Variants in PAM observed in about 807,000 individuals in gnomAD.
PAM encodes the protein peptidylglycine alpha-amidating monooxygenase.
A neutral mutation model predicts 122.1 loss-of-function variants in PAM; 72 were observed. The observed-to-expected ratio is 0.59, with a 90% CI of 0.49 to 0.72. The LOEUF (loss-of-function observed/expected upper bound fraction) is 0.72, where lower values mean the gene tolerates loss of function less well. PAM is among the 30% of genes least tolerant of loss of function. The pLI, the probability that PAM is intolerant of heterozygous loss-of-function variation, is 0.00. For synonymous variants in PAM, 389 were observed against 404.4 expected, an observed-to-expected ratio of 0.96 and a Z score of 0.46; for missense variants, 1,106 against 1,183.7, an observed-to-expected ratio of 0.93 and a Z score of 0.96.
chr5:102,800,881 C>A (rs1029979636), intron 1 of PAM, among the ~76,000 whole-genome samples: 2 of 152,100 alleles, frequency 1.3e-5, no homozygotes, highest in African/African-American at 4.8e-5. Context: ...TGCATGAAAT[C>A]CCCTACTGCT....
intron 3 of PAM, among the ~76,000 whole-genome samples, chr5:102,881,433 A>G (rs2151132711): frequency 6.6e-6 from 1 of 152,182 alleles, no homozygotes; most frequent in East Asian, 1.9e-4. Flanking sequence ...CAGAGCTTTT[A>G]AGGATGGGAA....
At chr5:102,915,208 CATA>C (rs1212548545) in intron 5 of PAM, among the ~76,000 whole-genome samples, 1 of 152,108 alleles carries the variant, frequency 6.6e-6, no homozygotes, top group Admixed American at 6.6e-5. Flanking sequence ...CCTGTCCTTA[CATA>C]ATCATGTAGA....
In PAM at chr5:102,879,313, C is replaced by A. The variant is rs558516121; in HGVS notation, c.210+11920C>A. Among the ~76,000 whole-genome samples, 20 of 152,278 alleles carry A rather than the reference C, an allele frequency of 1.3e-4. 1 individual carries two copies. The South Asian group carries it at 2.3e-3, about 17-fold the overall frequency. ...CAGTAGTGTACAGTAATGTCCTAGGCCTTCACATTCACTCACCTACACACC... is the reference window on the plus strand; with the variant it reads ...CAGTAGTGTACAGTAATGTCCTAGGACTTCACATTCACTCACCTACACACC... On this transcript the variant is annotated intron_variant, in intron 3 of 25. Coordinates refer to ENST00000438793, the MANE Select transcript of PAM (RefSeq NM_001177306.2).
chr5:102,808,159 C>G (rs1389642175), intron 1 of PAM: 2 of 152,178 alleles, frequency 1.3e-5, no homozygotes, highest in Non-Finnish European at 2.9e-5. Flanking sequence ...GGGGATGATT[C>G]ACCCCACAAT....
At chr5:102,979,334 A>G (rs903074606) in intron 15 of PAM, among the ~76,000 whole-genome samples, 4 of 152,168 alleles carry the variant, frequency 2.6e-5, no homozygotes, top group African/African-American at 9.6e-5. Flanking sequence ...TAAATGAAGC[A>G]TTATAATTAA....
chr5:102,766,925 G>GCTTTTTTTTT (rs1561386850), intron 1 of PAM, among the ~76,000 whole-genome samples: 1 of 36,574 alleles, frequency 2.7e-5, no homozygotes, highest in African/African-American at 1.3e-4. Flanking sequence ...TTCAGTTGTG[G>GCTTTTTTTTT]ATTTTTTTTT....
intron 7 of PAM, among the ~76,000 whole-genome samples, chr5:102,944,343 G>A (rs1756279722): frequency 6.6e-6 from 1 of 152,040 alleles, no homozygotes; most frequent in Non-Finnish European, 1.5e-5. Flanking sequence ...CAGGACATTA[G>A]TAGCTAAAGG....
At chr5:102,819,693 G>GT in intron 1 of PAM, among the ~76,000 whole-genome samples, 1 of 152,088 alleles carries the variant, frequency 6.6e-6, no homozygotes, top group African/African-American at 2.4e-5. Flanking sequence ...TCATATTTTT[G>GT]TTTTTTGGCC....
intron 18 of PAM, among the ~76,000 whole-genome samples, chr5:103,005,699 T>G (rs1354168229): frequency 6.6e-6 from 1 of 152,184 alleles, no homozygotes; most frequent in Non-Finnish European, 1.5e-5. Context: ...ACATGTGAAT[T>G]TGGATTTGAG....
At chr5:102,768,346 C>T (rs983876069) in intron 1 of PAM, among the ~76,000 whole-genome samples, 2 of 151,922 alleles carry the variant, frequency 1.3e-5, no homozygotes, top group Admixed American at 6.6e-5. Context: ...TTGTGTGTTA[C>T]GACCTAATTG....
intron 15 of PAM, among the ~76,000 whole-genome samples, chr5:102,975,965 T>G (rs1767517318): frequency 6.6e-6 from 1 of 152,132 alleles, no homozygotes; most frequent in Non-Finnish European, 1.5e-5. Context: ...ACTTACTCAG[T>G]TTTTCTACGA....
intron 16 of PAM, among the ~76,000 whole-genome samples, chr5:102,996,762 G>A (rs1279148634): frequency 6.6e-6 from 1 of 152,110 alleles, no homozygotes; most frequent in African/African-American, 2.4e-5. Context: ...AAATGAACTG[G>A]TCAGGCCTAT....
chr5:102,968,943 TATGG>T (rs1395131436), intron 14 of PAM, among the ~76,000 whole-genome samples: 1 of 152,064 alleles, frequency 6.6e-6, no homozygotes, highest in Non-Finnish European at 1.5e-5. Flanking sequence ...TTTGCAGGGA[TATGG>T]ATGAAGCTGG....
intron 1 of PAM, chr5:102,865,116 T>G (rs1785172282): frequency 6.7e-6 from 1 of 148,962 alleles, no homozygotes; most frequent in South Asian, 2.1e-4. Flanking sequence ...TTGGAAGGCA[T>G]GCCTTATGAG....
intron 14 of PAM, among the ~76,000 whole-genome samples, chr5:102,963,563 C>A (rs1562053921): frequency 6.6e-6 from 1 of 151,730 alleles, no homozygotes; most frequent in Non-Finnish European, 1.5e-5. Flanking sequence ...ACTTTTTAGC[C>A]CCAATAAGCA....
At chr5:102,841,700 T>C (rs978650919) in intron 1 of PAM, among the ~76,000 whole-genome samples, 65 of 152,288 alleles carry the variant, frequency 4.3e-4, no homozygotes, top group African/African-American at 1.4e-3. Flanking sequence ...TTTGTCATAA[T>C]CAAAATCTCA....
chr5:102,924,909 C>G (rs1165140671), intron 5 of PAM, 48 bp from the exon 6 acceptor site: 1 of 978,846 alleles, frequency 1.0e-6, no homozygotes, highest in South Asian at 1.3e-5. Context: ...GCAATTTATG[C>G]ATTTCACTAT....
At chr5:102,823,856 C>A (rs1580583930) in intron 1 of PAM, among the ~76,000 whole-genome samples, 1 of 152,138 alleles carries the variant, frequency 6.6e-6, no homozygotes, top group Non-Finnish European at 1.5e-5. Context: ...ATATGCAGGT[C>A]ACAGAAAGGG....
At chr5:103,014,866 G>T (rs1186677279) in intron 21 of PAM, among the ~76,000 whole-genome samples, 1 of 152,114 alleles carries the variant, frequency 6.6e-6, no homozygotes, top group Non-Finnish European at 1.5e-5. Context: ...GTAATCAAAG[G>T]ACAGACTTGT....
Sources: gnomAD v4.1 joint callset for allele counts (sites outside exome capture counted in the v4.1 genomes callset) on GRCh38, gnomAD v4.1.1 for gene constraint, MANE v1.5 for transcripts, NCBI Gene and HGNC (gene_info 2026-07-23, HGNC 2026-07-21) for gene names.